The following PLB1 variants were observed in gnomAD, a reference collection of about 807,000 sequenced individuals.
The protein encoded by PLB1 is phospholipase B1, membrane-associated.
Under a neutral mutation model 227.4 loss-of-function variants are expected in PLB1, and 242 were observed. The ratio of observed to expected loss-of-function variants is 1.06; its 90% confidence interval spans 0.96 to 1.18. The LOEUF is 1.18. Ranked by LOEUF, PLB1 falls within the 50% of genes most tolerant of loss-of-function variation. The pLI is 0.00. For synonymous variants in PLB1, 757 were observed against 682.2 expected (o/e 1.11, Z -1.71); for missense variants, 1,858 against 1,816.3 (o/e 1.02, Z -0.42).
chr2:28,586,208 G>C (rs1680882158), intron 26 of PLB1, among the ~76,000 whole-genome samples: 1 of 152,190 alleles, frequency 6.6e-6, no homozygotes, highest in Non-Finnish European at 1.5e-5. Flanking sequence ...CATGGGCAAT[G>C]AAACTTCTCT....
intron 35 of PLB1, among the ~76,000 whole-genome samples, chr2:28,600,071 C>A (rs373964002): frequency 6.6e-6 from 1 of 152,056 alleles, no homozygotes; most frequent in African/African-American, 2.4e-5. Context: ...CTATACCTGG[C>A]TAATTTTTCT....
intron 33 of PLB1, 155 bp downstream of exon 33, chr2:28,593,909 C>A: frequency 1.4e-6 from 1 of 726,992 alleles, no homozygotes; most frequent in Non-Finnish European, 2.5e-6. Flanking sequence ...AAAATGTGAA[C>A]ATTTGGTGAG....
chr2:28,497,055 A>C (rs1666540420), intron 1 of PLB1, among the ~76,000 whole-genome samples: 1 of 152,236 alleles, frequency 6.6e-6, no homozygotes. Flanking sequence ...TGCCTTCTGC[A>C]CAGGATGATT....
intron 17 of PLB1, among the ~76,000 whole-genome samples, chr2:28,554,318 T>G (rs1674687841): frequency 6.7e-6 from 1 of 150,172 alleles, no homozygotes; most frequent in Admixed American, 6.7e-5. Flanking sequence ...TATGTCTATA[T>G]AGAGAGAGAG....
At position 28,617,727 on chromosome 2, in the gene PLB1, A is replaced by T; in HGVS notation, c.3196A>T (p.Asn1066Tyr). Residue 1066 changes from asparagine (N) to tyrosine (Y), a missense_variant and splice_region_variant, in exon 45 of 58, where the codon AAC becomes TAC. Transcript: ENST00000327757. ...YTYPIKPAIE[N>Y]WGSDFLCTEW... is the part of the protein sequence containing the mutation. ...TGAATCTTTTCTCCTGTTGATTTAG[A>T]ACTGGGGCAGTGACTTCCTGTGTAC... 1 of 1,614,082 alleles carries T rather than the reference A, an allele frequency of 6.2e-7. No homozygotes were observed. The highest frequency in any genetic ancestry group is 1.3e-5 in the African/African-American group (1 of 75,038).
chr2:28,574,980 T>C (rs1375704242), intron 21 of PLB1, among the ~76,000 whole-genome samples: 2 of 152,228 alleles, frequency 1.3e-5, no homozygotes, highest in Non-Finnish European at 2.9e-5. Context: ...TAAACATGCA[T>C]GTGCATGTGT....
intron 50 of PLB1, among the ~76,000 whole-genome samples, chr2:28,625,519 T>A (rs1687625890): frequency 6.6e-6 from 1 of 152,178 alleles, no homozygotes; most frequent in South Asian, 2.1e-4. Context: ...ACTTTTTTTT[T>A]TAACCGTTCA....
At chr2:28,589,089 C>G (rs377708468) in intron 26 of PLB1, among the ~76,000 whole-genome samples, 1 of 151,928 alleles carries the variant, frequency 6.6e-6, no homozygotes, top group South Asian at 2.1e-4. Context: ...CGCTTGAACC[C>G]GGGAGGCGGA....
chr2:28,528,916 C>G (rs1316633223), intron 6 of PLB1, among the ~76,000 whole-genome samples: 1 of 150,012 alleles, frequency 6.7e-6, no homozygotes, highest in Non-Finnish European at 1.5e-5. Flanking sequence ...ACCCCGGCAG[C>G]TCACCCTAGA....
At chr2:28,602,445 G>T (rs1684062775) in intron 38 of PLB1, among the ~76,000 whole-genome samples, 1 of 152,238 alleles carries the variant, frequency 6.6e-6, no homozygotes, top group Non-Finnish European at 1.5e-5. Flanking sequence ...CTCCCCTGTG[G>T]GGGTTGAGTC....
At chr2:28,517,025 C>T (rs1490901454) in intron 2 of PLB1, among the ~76,000 whole-genome samples, 156 bp downstream of exon 2, 3 of 152,258 alleles carry the variant, frequency 2.0e-5, no homozygotes, top group Non-Finnish European at 2.9e-5. Flanking sequence ...CATGGACAGC[C>T]GGGGTGTCCG....
In PLB1 at chr2:28,601,953, C is replaced by T; in HGVS notation, c.2662C>T (p.Leu888=). The T allele has an allele frequency of 6.2e-7, 1 of 1,611,006 alleles. No individual in the cohort carries two copies. Among genetic ancestry groups the T allele is most frequent in the South Asian group, 1.1e-5 (1 of 91,016 alleles). The change falls in exon 38 of 58, where the codon CTG becomes TTG. Residue 888 remains leucine (L), a synonymous_variant. Coordinates refer to ENST00000327757, the MANE Select transcript of PLB1 (RefSeq NM_153021.5). ...CCATCTCCGCAATGCCTTGGACGTCCTGCATAGAGAGGTGGGTGGGGGGCT... is the reference window on the plus strand; with the variant it reads ...CCATCTCCGCAATGCCTTGGACGTCTTGCATAGAGAGGTGGGTGGGGGGCT... The part of the protein sequence containing the change: ...VHHLRNALDV[L]HREVPRVLVN...
intron 16 of PLB1, among the ~76,000 whole-genome samples, chr2:28,552,267 T>A (rs909516363): frequency 6.6e-6 from 1 of 151,890 alleles, no homozygotes; most frequent in Non-Finnish European, 1.5e-5. Flanking sequence ...GATGGGAGGG[T>A]GAGCAAATAG....
Position 28,525,236 on chromosome 2 carries a change from G to A in PLB1, c.244-31G>A, listed in dbSNP as rs773907151. ...AGAAGAGGCTCTGCCACCTCCCCTG[G>A]CTGGGTGTTAACATTGAGTATCTAT... On this transcript the variant is annotated intron_variant, in intron 4 of 57. Transcript: ENST00000327757. 9.9e-6 allele frequency: 16 copies of A among 1,609,758 alleles called. No homozygotes were observed. The South Asian group carries it at 1.8e-4, about 18-fold the overall frequency.
chr2:28,533,667 A>G (rs1474006159), intron 9 of PLB1, among the ~76,000 whole-genome samples: 5 of 152,346 alleles, frequency 3.3e-5, no homozygotes, highest in Non-Finnish European at 4.4e-5. Flanking sequence ...GACATATGCT[A>G]TTGTATTTGT....
intron 6 of PLB1, among the ~76,000 whole-genome samples, chr2:28,526,691 AG>A (rs1670306248): frequency 6.6e-6 from 1 of 152,224 alleles, no homozygotes; most frequent in Admixed American, 6.5e-5. Context: ...CGTCCGTATT[AG>A]AGCAAGAAGA....
intron 43 of PLB1, among the ~76,000 whole-genome samples, chr2:28,608,296 T>C (rs1303947795): frequency 6.6e-6 from 1 of 152,240 alleles, no homozygotes; most frequent in African/African-American, 2.4e-5. Flanking sequence ...CTCCCTCCCA[T>C]GTGCCTTGGA....
chr2:28,563,717 G>A (rs959324381), intron 18 of PLB1, among the ~76,000 whole-genome samples: 2 of 152,138 alleles, frequency 1.3e-5, no homozygotes, highest in African/African-American at 2.4e-5. Context: ...GCCCTTGAGA[G>A]CCTGGGGGCT....
intron 18 of PLB1, among the ~76,000 whole-genome samples, chr2:28,564,504 CG>C (rs1376702540): frequency 6.6e-6 from 1 of 152,208 alleles, no homozygotes; most frequent in Non-Finnish European, 1.5e-5. Context: ...TCCTGCCCGG[CG>C]GGGCCTGACA....
Sources: gnomAD v4.1 joint callset for allele counts (sites outside exome capture counted in the v4.1 genomes callset) on GRCh38, gnomAD v4.1.1 for gene constraint, MANE v1.5 for transcripts, NCBI Gene and HGNC (gene_info 2026-07-23, HGNC 2026-07-21) for gene names.